DNM1L: variants seen among roughly 807,000 people sequenced by gnomAD.
DNM1L encodes the protein dynamin-1-like protein.
DNM1L carries 33 observed loss-of-function variants against 92.8 expected under a neutral mutation model. The ratio of observed to expected loss-of-function variants is 0.36; its 90% confidence interval spans 0.27 to 0.48. DNM1L has a LOEUF of 0.48. DNM1L is among the 20% of genes least tolerant of loss of function. The pLI is 0.99. For missense variants in DNM1L, 485 were observed against 888.8 expected, an observed-to-expected ratio of 0.55 and a Z score of 5.78; for synonymous variants, 284 against 305.0, an observed-to-expected ratio of 0.93 and a Z score of 0.72.
intron 4 of DNM1L, among the ~76,000 whole-genome samples, chr12:32,710,215 T>A (rs1264441588): frequency 6.6e-6 from 1 of 152,108 alleles, no homozygotes; most frequent in African/African-American, 2.4e-5. Flanking sequence ...GATTAAAGAG[T>A]TAGATAAACT....
intron 6 of DNM1L, among the ~76,000 whole-genome samples, chr12:32,716,037 C>G (rs1211127586): frequency 6.6e-6 from 1 of 152,132 alleles, no homozygotes; most frequent in Non-Finnish European, 1.5e-5. Context: ...ATGGTACATT[C>G]CATACAATGG....
chr12:32,683,500 G>T (rs1306608905), intron 1 of DNM1L, among the ~76,000 whole-genome samples: 1 of 151,784 alleles, frequency 6.6e-6, no homozygotes, highest in Non-Finnish European at 1.5e-5. Flanking sequence ...GTATAGGTGT[G>T]AGCCACTGCA....
intron 1 of DNM1L, among the ~76,000 whole-genome samples, chr12:32,700,777 A>G (rs12369487): frequency 0.14 from 21,483 of 152,004 alleles, 1,561 homozygotes; most frequent in Middle Eastern, 0.19. Flanking sequence ...TTAGAGAAAA[A>G]GATATGCATT....
At chr12:32,685,605 C>A (rs1951979239) in intron 1 of DNM1L, among the ~76,000 whole-genome samples, 1 of 151,878 alleles carries the variant, frequency 6.6e-6, no homozygotes, top group Non-Finnish European at 1.5e-5. Context: ...TCAAATGATC[C>A]ACCCACCTCG....
At chr12:32,724,619 T>TAA (rs1555123483) in intron 9 of DNM1L, among the ~76,000 whole-genome samples, 15 of 133,138 alleles carry the variant, frequency 1.1e-4, no homozygotes, top group South Asian at 4.7e-4. Flanking sequence ...TATATATATA[T>TAA]AAATTATATT....
chr12:32,710,540 G>A (rs1225517202), intron 4 of DNM1L, among the ~76,000 whole-genome samples: 1 of 151,318 alleles, frequency 6.6e-6, no homozygotes. Context: ...GATTGCTTGA[G>A]CCCAGGATTT....
chr12:32,709,462 T>C (rs1400167344), intron 4 of DNM1L: 2 of 152,144 alleles, frequency 1.3e-5, no homozygotes, highest in Admixed American at 6.6e-5. Flanking sequence ...CTGAATGTCA[T>C]TGAAGATTGA....
At chr12:32,743,231 G>A (rs1226953997) in intron 19 of DNM1L, 123 bp from the exon 20 acceptor site, 2 of 780,002 alleles carry the variant, frequency 2.6e-6, no homozygotes, top group Non-Finnish European at 2.0e-6. Context: ...AGAAGATATT[G>A]GTTAGTATAA....
intron 2 of DNM1L, chr12:32,705,420 CAGTAGTA>C (rs2137325355): frequency 6.2e-6 from 1 of 161,356 alleles, no homozygotes; most frequent in African/African-American, 2.4e-5. Context: ...TAGTCAAGTG[CAGTAGTA>C]AGGCGGGAAA....
chr12:32,684,215 GGTTTTGATTTTATAAGCCCCAC>G (rs1432963104), intron 1 of DNM1L, among the ~76,000 whole-genome samples: 1 of 152,168 alleles, frequency 6.6e-6, no homozygotes, highest in Non-Finnish European at 1.5e-5. Context: ...GCTTCTGACA[GGTTTTGATTTTATAAGCCCCAC>G]GTGGGTGAGG....
chr12:32,732,313 C>T (rs1954607056), intron 12 of DNM1L, among the ~76,000 whole-genome samples: 1 of 152,098 alleles, frequency 6.6e-6, no homozygotes, highest in African/African-American at 2.4e-5. Context: ...CACACTGTTA[C>T]TTTGAGGTAC....
intron 1 of DNM1L, among the ~76,000 whole-genome samples, chr12:32,692,341 G>T (rs1211457083): frequency 6.6e-6 from 1 of 152,122 alleles, no homozygotes; most frequent in African/African-American, 2.4e-5. Flanking sequence ...TTGTTTGTTT[G>T]TTTGTTTTGG....
intron 1 of DNM1L, among the ~76,000 whole-genome samples, chr12:32,682,247 C>G (rs188664711): frequency 8.9e-4 from 135 of 152,260 alleles, no homozygotes; most frequent in African/African-American, 3.0e-3. Context: ...ATTCTCCTGC[C>G]TCAGCCTCCC....
In DNM1L at chr12:32,733,708, T is replaced by A; in HGVS notation, c.1447-7T>A. 1 of 1,613,186 alleles carries A rather than the reference T, an allele frequency of 6.2e-7. No homozygotes were observed. Among genetic ancestry groups the A allele is most frequent in the Non-Finnish European group, 8.5e-7 (1 of 1,179,318 alleles). ...TTTGTATATCGCCTAACTTACTTTT[T>A]TTCTAGGTCCATAACTTAGTGGCAA... On this transcript the variant is annotated splice_region_variant and splice_polypyrimidine_tract_variant and intron_variant, in intron 12 of 19. Transcript: ENST00000549701.
In DNM1L at chr12:32,733,802, A is replaced by G; in HGVS notation, c.1534A>G (p.Ile512Val). ...ADACGLMNNN[I>V]EEQRRNRLAR... ...TGCTTGTGGGCTAATGAACAATAAT[A>G]TAGAGGTAAATATAATTCTTAAATG... The change falls in exon 13 of 20, where the codon ATA (isoleucine) becomes GTA (valine). Residue 512 changes from isoleucine (I) to valine (V), a missense_variant. Physicochemically the swap from Ile to Val is conservative, Grantham distance 29 (BLOSUM62 3). This residue lies in a region of DNM1L where 65 missense variants were observed against 59.4 expected (regional missense o/e 1.09). Coordinates refer to ENST00000549701, the MANE Select transcript of DNM1L (RefSeq NM_012062.5). The G allele has an allele frequency of 6.2e-7, 1 of 1,613,088 alleles. No homozygotes were observed. The highest frequency in any genetic ancestry group is 8.5e-7 in the Non-Finnish European group (1 of 1,179,130).
At chr12:32,693,065 T>C (rs67052927) in intron 1 of DNM1L, among the ~76,000 whole-genome samples, 23,417 of 152,112 alleles carry the variant, frequency 0.15, 1,908 homozygotes, top group Middle Eastern at 0.21. Flanking sequence ...AATCAAGGAG[T>C]GGAATTGCCA....
In DNM1L at chr12:32,742,709, C is replaced by T. The variant is rs2137612228; in HGVS notation, c.2115C>T (p.Asp705=). 6.2e-7 allele frequency: 1 copy of T among 1,614,008 alleles called. No individual in the cohort carries two copies. The highest frequency in any genetic ancestry group is 8.5e-7 in the Non-Finnish European group (1 of 1,180,012). ...ATGATCTTCTGACAGAATCTGAGGA[C>T]ATGGCACAGCGCAGGAAAGAAGCAG... is the stretch of plus-strand genomic sequence containing the variant. ...LLDDLLTESE[D]MAQRRKEAAD... Residue 705 remains aspartate, a synonymous_variant, in exon 19 of 20, where the codon GAC becomes GAT. Coordinates refer to ENST00000549701, the MANE Select transcript of DNM1L (RefSeq NM_012062.5).
At chr12:32,683,288 A>C (rs879694629) in intron 1 of DNM1L, among the ~76,000 whole-genome samples, 16 of 152,086 alleles carry the variant, frequency 1.1e-4, no homozygotes, top group Admixed American at 4.6e-4. Context: ...CAGTGGCATA[A>C]TCCATAGCTC....
chr12:32,743,696 T>C lies in DNM1L; in HGVS notation c.*286T>C, dbSNP rs1955472937. 2.3e-6 allele frequency: 1 copy of C among 434,600 alleles called. No individual in the cohort carries two copies. The highest frequency in any genetic ancestry group is 4.2e-6 in the Non-Finnish European group (1 of 239,108). The allele number at this position is 434,600 out of a possible 1,614,324, so 26.9% of individuals were successfully genotyped here. A position where few individuals can be genotyped will look rare whatever the true frequency, so the allele number is the denominator to read the frequency against. On this transcript the variant is annotated 3_prime_UTR_variant, in exon 20 of 20. Transcript: ENST00000549701. ...AACTTAAAAACAACTGTTAATGTTC[T>C]AGTTGTGCAAAGCAGTTTGCCTGTG... is the stretch of plus-strand genomic sequence containing the variant.
Sources: allele counts gnomAD v4.1 joint callset (sites outside exome capture counted in the v4.1 genomes callset), GRCh38; gene constraint gnomAD v4.1.1; regional missense constraint gnomAD v4.1.1; transcripts MANE v1.5; gene names NCBI Gene and HGNC (gene_info 2026-07-23, HGNC 2026-07-21).